ROBO1: variants seen among roughly 807,000 people sequenced by gnomAD.
The protein encoded by ROBO1 is roundabout guidance receptor 1.
ROBO1 carries 149 observed loss-of-function variants against 195.9 expected under a neutral mutation model. The observed-to-expected ratio is 0.76, with a 90% CI of 0.67 to 0.87. The LOEUF is 0.87. ROBO1 is among the 40% of genes least tolerant of loss of function. The pLI is 0.00. For missense variants in ROBO1, 1,933 were observed against 2,068.3 expected (o/e 0.93, Z 1.27); for synonymous variants, 816 against 733.2 (o/e 1.11, Z -1.82).
chr3:79,621,837 T>C (rs1945017475), intron 1 of ROBO1, among the ~76,000 whole-genome samples: 1 of 152,160 alleles, frequency 6.6e-6, no homozygotes, highest in Non-Finnish European at 1.5e-5. Flanking sequence ...ATAGATTTCA[T>C]AAAGCAATTG....
At chr3:79,482,745 A>C (rs779581478) in intron 2 of ROBO1, among the ~76,000 whole-genome samples, 1 of 152,214 alleles carries the variant, frequency 6.6e-6, no homozygotes, top group Non-Finnish European at 1.5e-5. Flanking sequence ...TAAAAAACAG[A>C]TCTTCTAAGG....
rs113163421 is a variant in ROBO1 at position 78,966,150 on chromosome 3, G to C, written c.173-27223C>G. Among the ~76,000 whole-genome samples, 435 of 152,258 alleles carry C rather than the reference G, an allele frequency of 2.9e-3. 3 individuals carry two copies. The highest frequency in any genetic ancestry group is 0.01 in the African/African-American group (424 of 41,540). ...CTCTTCTTATGAGAGTCTAATGCCTGATGATCTGAGATTGGAGGTGGAATA... is the reference window on the plus strand; with the variant it reads ...CTCTTCTTATGAGAGTCTAATGCCTCATGATCTGAGATTGGAGGTGGAATA... On this transcript the variant is annotated intron_variant, in intron 3 of 30. Transcript: ENST00000464233.
intron 2 of ROBO1, among the ~76,000 whole-genome samples, chr3:79,299,467 G>T (rs550465449): frequency 1.3e-5 from 2 of 152,092 alleles, no homozygotes; most frequent in South Asian, 4.2e-4. Flanking sequence ...TGTCATTTTC[G>T]TTTATTATAT....
At chr3:79,266,154 C>A (rs1350990175) in intron 2 of ROBO1, among the ~76,000 whole-genome samples, 6 of 151,240 alleles carry the variant, frequency 4.0e-5, no homozygotes, top group African/African-American at 1.5e-4. Flanking sequence ...TGGAAGATTC[C>A]CACACACATC....
intron 1 of ROBO1, among the ~76,000 whole-genome samples, chr3:79,693,791 C>T (rs144876992): frequency 1.5e-4 from 22 of 151,714 alleles, no homozygotes; most frequent in African/African-American, 5.3e-4. Context: ...TTAATTTACA[C>T]ATTCATTTTC....
At chr3:79,461,094 A>T (rs1937620067) in intron 2 of ROBO1, among the ~76,000 whole-genome samples, 1 of 152,344 alleles carries the variant, frequency 6.6e-6, no homozygotes, top group East Asian at 1.9e-4. Flanking sequence ...ACTGAAATTA[A>T]AATATTAAAA....
intron 2 of ROBO1, among the ~76,000 whole-genome samples, chr3:79,207,694 C>T (rs2081894706): frequency 6.6e-6 from 1 of 151,626 alleles, no homozygotes; most frequent in South Asian, 2.1e-4. Context: ...CTTCTAACAA[C>T]CAGGAAATCC....
intron 2 of ROBO1, among the ~76,000 whole-genome samples, chr3:79,407,475 A>G (rs2037593676): frequency 6.6e-6 from 1 of 152,198 alleles, no homozygotes; most frequent in African/African-American, 2.4e-5. Context: ...CCACTTTTAT[A>G]AACCTGAAGA....
At chr3:79,236,374 G>A (rs2108866075) in intron 2 of ROBO1, among the ~76,000 whole-genome samples, 1 of 152,084 alleles carries the variant, frequency 6.6e-6, no homozygotes, top group Non-Finnish European at 1.5e-5. Context: ...ATTACCAATG[G>A]TTTCTTGTTG....
intron 3 of ROBO1, among the ~76,000 whole-genome samples, chr3:79,095,217 A>G (rs2079546220): frequency 6.6e-6 from 1 of 151,990 alleles, no homozygotes; most frequent in African/African-American, 2.4e-5. Context: ...TTCATTCAAG[A>G]GGTGTTGCTC....
In ROBO1 at chr3:79,463,012, T is replaced by A. The variant is rs151056658; in HGVS notation, c.88+126812A>T. 3.8e-3 allele frequency among the ~76,000 whole-genome samples: 574 copies of A among 152,308 alleles called. 3 individuals carry two copies. Among genetic ancestry groups the A allele is most frequent in the Middle Eastern group, 0.017 (5 of 294 alleles). The stretch of plus-strand genomic sequence containing the variant: ...TATTTAATGTTCATGTTATTTTAAG[T>A]TTGCTGAAAACTATTTCGGAATTTT... On this transcript the variant is annotated intron_variant, in intron 2 of 30. Coordinates refer to ENST00000464233, the MANE Select transcript of ROBO1 (RefSeq NM_002941.4).
chr3:79,695,503 T>C (rs1947418335), intron 1 of ROBO1, among the ~76,000 whole-genome samples: 1 of 151,550 alleles, frequency 6.6e-6, no homozygotes, highest in Admixed American at 6.6e-5. Flanking sequence ...TGGTGCTTTT[T>C]CTCTCTTCTT....
intron 28 of ROBO1, among the ~76,000 whole-genome samples, chr3:78,608,020 TACACACACAC>T (rs56715450): frequency 2.0e-5 from 3 of 149,766 alleles, no homozygotes; most frequent in South Asian, 2.1e-4. Flanking sequence ...TAATTTCATT[TACACACACAC>T]ACACACACAC....
intron 3 of ROBO1, among the ~76,000 whole-genome samples, chr3:79,010,801 G>C (rs1028317569): frequency 3.3e-5 from 5 of 152,236 alleles, no homozygotes; most frequent in Non-Finnish European, 7.4e-5. Flanking sequence ...AATTCATGGA[G>C]ATTAATAGCA....
intron 7 of ROBO1, among the ~76,000 whole-genome samples, chr3:78,715,455 C>A (rs1485473021): frequency 1.3e-5 from 2 of 152,174 alleles, no homozygotes; most frequent in Non-Finnish European, 2.9e-5. Context: ...ATCTGGACAA[C>A]CACAAAAATC....
At chr3:78,719,809 G>A (rs996386816) in intron 5 of ROBO1, among the ~76,000 whole-genome samples, 1 of 152,126 alleles carries the variant, frequency 6.6e-6, no homozygotes, top group African/African-American at 2.4e-5. Flanking sequence ...GAACAGCACT[G>A]AAATCAGCAT....
At position 79,439,673 on chromosome 3, in the gene ROBO1, G is replaced by A. The variant is rs2038992299; in HGVS notation, c.88+150151C>T. ...ATTTAAATGGAATTTCACATACATA[G>A]TTTTCAAATTTATCTCTTTTACCGC... On this transcript the variant is annotated intron_variant, in intron 2 of 30. Coordinates refer to ENST00000464233, the MANE Select transcript of ROBO1 (RefSeq NM_002941.4). 2.6e-5 allele frequency among the ~76,000 whole-genome samples: 4 copies of A among 152,092 alleles called. No homozygotes were observed. In the South Asian group the frequency reaches 6.2e-4, roughly 24 times the overall value.
At chr3:79,443,115 A>G (rs1258687278) in intron 2 of ROBO1, among the ~76,000 whole-genome samples, 2 of 152,148 alleles carry the variant, frequency 1.3e-5, no homozygotes, top group Admixed American at 6.6e-5. Context: ...TATTTTTTAA[A>G]AGGAAAAGAA....
chr3:78,697,631 C>A (rs1470816465), intron 8 of ROBO1, among the ~76,000 whole-genome samples: 1 of 152,064 alleles, frequency 6.6e-6, no homozygotes, highest in Non-Finnish European at 1.5e-5. Flanking sequence ...CTCTAGAGGT[C>A]TTTTAAAATA....
Sources: gnomAD v4.1 joint callset for allele counts (sites outside exome capture counted in the v4.1 genomes callset) on GRCh38, gnomAD v4.1.1 for gene constraint, MANE v1.5 for transcripts, NCBI Gene and HGNC (gene_info 2026-07-23, HGNC 2026-07-21) for gene names.